Variants in NTRK3 observed in about 807,000 individuals in gnomAD.
NTRK3 encodes the protein neurotrophic receptor tyrosine kinase 3.
A neutral mutation model predicts 91.7 loss-of-function variants in NTRK3; 24 were observed. That is an observed-to-expected ratio of 0.26 (90% CI 0.19 to 0.37). The LOEUF is 0.37. NTRK3 is among the 10% of genes least tolerant of loss of function. The pLI, the probability that NTRK3 is intolerant of heterozygous loss-of-function variation, is 1.00. For missense variants in NTRK3, 880 were observed against 1,068.9 expected (o/e 0.82, Z 2.46); for synonymous variants, 483 against 404.0 (o/e 1.20, Z -2.34).
intron 5 of NTRK3, among the ~76,000 whole-genome samples, chr15:88,167,901 C>T (rs925323189): frequency 6.6e-6 from 1 of 152,116 alleles, no homozygotes; most frequent in Non-Finnish European, 1.5e-5. Context: ...AACTGAAAGG[C>T]CTAATATTTG....
At chr15:88,091,875 C>T (rs2049050345) in intron 13 of NTRK3, among the ~76,000 whole-genome samples, 1 of 152,198 alleles carries the variant, frequency 6.6e-6, no homozygotes, top group Non-Finnish European at 1.5e-5. Flanking sequence ...AAAACTCCAC[C>T]CCTTTCTGCC....
chr15:88,195,099 C>A (rs2047705098), intron 3 of NTRK3, among the ~76,000 whole-genome samples: 1 of 152,198 alleles, frequency 6.6e-6, no homozygotes, highest in South Asian at 2.1e-4. Flanking sequence ...GGGGCGGTGC[C>A]ACTGGTGTCT....
chr15:88,199,286 C>G (rs2048088517), intron 3 of NTRK3, among the ~76,000 whole-genome samples: 1 of 152,076 alleles, frequency 6.6e-6, no homozygotes, highest in Admixed American at 6.5e-5. Flanking sequence ...CCAAACAGAG[C>G]CTGCACCTCT....
At chr15:88,054,077 G>A (rs1247293859) in intron 13 of NTRK3, among the ~76,000 whole-genome samples, 1 of 152,214 alleles carries the variant, frequency 6.6e-6, no homozygotes, top group Non-Finnish European at 1.5e-5. Flanking sequence ...CCATCACCAT[G>A]AGCATTGAGC....
chr15:87,900,164 G>T lies in NTRK3; in HGVS notation c.2134-19736C>A, dbSNP rs539782219. Among the ~76,000 whole-genome samples the T allele has an allele frequency of 3.9e-5, 6 of 152,282 alleles. No individual in the cohort carries two copies. In the South Asian group the frequency reaches 6.2e-4, roughly 16 times the overall value. On this transcript the variant is annotated intron_variant, in intron 17 of 18. Coordinates refer to ENST00000394480, the Ensembl canonical transcript of NTRK3. ...CGTTAAATTCTCAAGGAAGTCTGAGGTTGGGTGGTAACAGCAGTCAAAGCA... is the reference window on the plus strand; with the variant it reads ...CGTTAAATTCTCAAGGAAGTCTGAGTTTGGGTGGTAACAGCAGTCAAAGCA...
intron 6 of NTRK3, among the ~76,000 whole-genome samples, chr15:88,138,437 C>T (rs1167356055): frequency 2.6e-5 from 4 of 152,126 alleles, no homozygotes; most frequent in African/African-American, 9.7e-5. Flanking sequence ...AGAGAGATAT[C>T]AGCTCGAGAT....
rs140063396 is a variant in NTRK3, at chr15:88,075,209, C to T, written c.1397-42164G>A. ...CCTGCCATGAACTTGACCACCCTGG[C>T]TCCTGCATGCTGGGCCTGAGCCAAG... On this transcript the variant is annotated intron_variant, in intron 13 of 18. Transcript: ENST00000394480. 9.3e-4 allele frequency among the ~76,000 whole-genome samples: 141 copies of T among 152,336 alleles called. 1 individual carries two copies. Among genetic ancestry groups the T allele is most frequent in the Non-Finnish European group, 2.6e-4 (18 of 68,030 alleles).
chr15:88,201,131 G>A (rs966404318), intron 3 of NTRK3, among the ~76,000 whole-genome samples: 2 of 152,068 alleles, frequency 1.3e-5, no homozygotes, highest in Admixed American at 6.5e-5. Context: ...TAGGCACCAC[G>A]GTCAGCCAGA....
intron 13 of NTRK3, among the ~76,000 whole-genome samples, chr15:88,079,359 T>G (rs2047844591): frequency 6.6e-6 from 1 of 152,144 alleles, no homozygotes; most frequent in Non-Finnish European, 1.5e-5. Context: ...CTGCCATCAG[T>G]CACAGGTGCC....
chr15:88,155,645 C>G (rs750175550), intron 5 of NTRK3, among the ~76,000 whole-genome samples: 11 of 152,148 alleles, frequency 7.2e-5, no homozygotes, highest in Admixed American at 6.5e-4. Flanking sequence ...AACCCCTTGT[C>G]TAGAACAGTA....
chr15:88,178,195 C>T (rs998471015), intron 5 of NTRK3, among the ~76,000 whole-genome samples: 1 of 152,070 alleles, frequency 6.6e-6, no homozygotes, highest in Non-Finnish European at 1.5e-5. Context: ...AGGGGGAAGG[C>T]AGAAAAGCAA....
intron 16 of NTRK3, among the ~76,000 whole-genome samples, chr15:87,931,861 C>T (rs935276808): frequency 6.6e-6 from 1 of 152,182 alleles, no homozygotes; most frequent in African/African-American, 2.4e-5. Flanking sequence ...GGTGAGTGGG[C>T]TAGAGCCTTC....
At chr15:88,103,301 T>G (rs2050363202) in intron 13 of NTRK3, among the ~76,000 whole-genome samples, 1 of 152,112 alleles carries the variant, frequency 6.6e-6, no homozygotes, top group Admixed American at 6.5e-5. Flanking sequence ...AACTGAGGCA[T>G]CCCAGAGAAG....
intron 6 of NTRK3, among the ~76,000 whole-genome samples, chr15:88,145,129 T>C (rs545172712): frequency 6.6e-6 from 1 of 152,316 alleles, no homozygotes; most frequent in East Asian, 1.9e-4. Context: ...AGATGGCTCA[T>C]GGCAGATGGC....
intron 5 of NTRK3, among the ~76,000 whole-genome samples, chr15:88,177,625 G>A (rs952863649): frequency 1.2e-4 from 18 of 152,194 alleles, no homozygotes; most frequent in Non-Finnish European, 1.8e-4. Flanking sequence ...GAAGGGCTTG[G>A]TATGAAATCA....
At chr15:88,103,471 A>T (rs1174263826) in intron 13 of NTRK3, among the ~76,000 whole-genome samples, 25 of 152,204 alleles carry the variant, frequency 1.6e-4, no homozygotes, top group Non-Finnish European at 7.3e-5. Context: ...GATTGGTATG[A>T]GAGAGGCAGA....
At chr15:88,256,362 C>T in exon 2 of NTRK3, 1 of 637,704 alleles carries the variant, frequency 1.6e-6, no homozygotes, top group Non-Finnish European at 2.8e-6. Flanking sequence ...CCGCCGCCGC[C>T]GCCGGGTGGG....
chr15:87,929,916 G>A (rs915793093), intron 16 of NTRK3, among the ~76,000 whole-genome samples: 28 of 152,206 alleles, frequency 1.8e-4, no homozygotes, highest in Non-Finnish European at 3.5e-4. Context: ...GGCCATATGG[G>A]AAATCAGGAA....
chr15:88,030,116 G>C (rs1221123829), intron 14 of NTRK3, among the ~76,000 whole-genome samples: 1 of 152,198 alleles, frequency 6.6e-6, no homozygotes, highest in Non-Finnish European at 1.5e-5. Flanking sequence ...TGATGATCTG[G>C]AGTCATCTCA....
Sources: gnomAD v4.1 joint callset for allele counts (sites outside exome capture counted in the v4.1 genomes callset) on GRCh38, gnomAD v4.1.1 for gene constraint, MANE v1.5 for transcripts, NCBI Gene and HGNC (gene_info 2026-07-23, HGNC 2026-07-21) for gene names.